SUCLG2: variants seen among roughly 807,000 people sequenced by gnomAD.
The protein encoded by SUCLG2 is succinate--CoA ligase [GDP-forming] subunit beta, mitochondrial.
A neutral mutation model predicts 47.9 loss-of-function variants in SUCLG2; 42 were observed. The observed-to-expected ratio is 0.88, with a 90% CI of 0.69 to 1.14. The LOEUF (loss-of-function observed/expected upper bound fraction) is 1.14. Ranked by LOEUF, SUCLG2 falls within the 50% of genes most tolerant of loss-of-function variation. SUCLG2 has a pLI of 0.00. For missense variants in SUCLG2, 571 were observed against 525.9 expected (o/e 1.09, Z -0.84); for synonymous variants, 195 against 197.3 (o/e 0.99, Z 0.10).
intron 9 of SUCLG2, among the ~76,000 whole-genome samples, chr3:67,453,496 G>T (rs1005360991): frequency 1.3e-5 from 2 of 152,090 alleles, no homozygotes; most frequent in African/African-American, 2.4e-5. Flanking sequence ...ATTCATGAGA[G>T]CCCACCCTCA....
intron 7 of SUCLG2, among the ~76,000 whole-genome samples, chr3:67,507,359 T>C (rs1705665655): frequency 6.6e-6 from 1 of 152,268 alleles, no homozygotes; most frequent in East Asian, 1.9e-4. Flanking sequence ...TCTATACTAT[T>C]CCTGGGCTAC....
intron 1 of SUCLG2, among the ~76,000 whole-genome samples, chr3:67,629,063 G>A (rs1045067348): frequency 2.0e-5 from 3 of 152,140 alleles, no homozygotes; most frequent in Non-Finnish European, 2.9e-5. Context: ...TAATCTGTTC[G>A]GTACGCTTTG....
intron 10 of SUCLG2, among the ~76,000 whole-genome samples, chr3:67,380,966 T>A (rs375012238): frequency 2.6e-5 from 4 of 152,196 alleles, no homozygotes; most frequent in South Asian, 4.2e-4. Flanking sequence ...ACTTGCTTCC[T>A]CCTTCCTGTT....
At chr3:67,533,731 TAG>T (rs1559561135) in intron 2 of SUCLG2, among the ~76,000 whole-genome samples, 1 of 152,134 alleles carries the variant, frequency 6.6e-6, no homozygotes, top group African/African-American at 2.4e-5. Context: ...AACATAAAAA[TAG>T]AGAGTTACCA....
chr3:67,588,780 T>G (rs1311995840), intron 2 of SUCLG2, among the ~76,000 whole-genome samples: 1 of 152,190 alleles, frequency 6.6e-6, no homozygotes, highest in Non-Finnish European at 1.5e-5. Context: ...AATATATTGG[T>G]GACATTCAAC....
intron 9 of SUCLG2, among the ~76,000 whole-genome samples, chr3:67,490,622 C>A (rs1428329232): frequency 6.6e-6 from 1 of 152,124 alleles, no homozygotes; most frequent in East Asian, 1.9e-4. Context: ...CCTCCCATTT[C>A]TGAGATGTGC....
chr3:67,568,589 T>A (rs945511323), intron 2 of SUCLG2, among the ~76,000 whole-genome samples: 6 of 152,112 alleles, frequency 3.9e-5, no homozygotes, highest in African/African-American at 1.4e-4. Flanking sequence ...CAGCAAGCTT[T>A]TAAAAAATAA....
chr3:67,526,189 G>A (rs1324898708), intron 4 of SUCLG2, among the ~76,000 whole-genome samples: 1 of 152,152 alleles, frequency 6.6e-6, no homozygotes, highest in Non-Finnish European at 1.5e-5. Context: ...AGCACTACCA[G>A]GGATGTCCAA....
intron 10 of SUCLG2, among the ~76,000 whole-genome samples, chr3:67,366,043 T>C (rs1304235844): frequency 6.6e-6 from 1 of 152,184 alleles, no homozygotes; most frequent in Non-Finnish European, 1.5e-5. Flanking sequence ...GAAGATCTTT[T>C]CAATGCCTAA....
At chr3:67,523,430 C>T (rs778034320) in intron 4 of SUCLG2, among the ~76,000 whole-genome samples, 3 of 151,996 alleles carry the variant, frequency 2.0e-5, no homozygotes, top group Non-Finnish European at 4.4e-5. Flanking sequence ...TTGTTCTCAC[C>T]AACAATGAAG....
intron 2 of SUCLG2, among the ~76,000 whole-genome samples, chr3:67,599,895 C>T (rs571287159): frequency 6.6e-6 from 1 of 152,256 alleles, no homozygotes; most frequent in South Asian, 2.1e-4. Context: ...CTCTTTTAAA[C>T]CTTCTCAATT....
chr3:67,514,015 T>A (rs899979278), intron 6 of SUCLG2: 17 of 339,258 alleles, frequency 5.0e-5, no homozygotes, highest in Non-Finnish European at 8.8e-5. Flanking sequence ...ATACGACATA[T>A]CCCTGGAAAC....
At chr3:67,403,042 G>C (rs1702722611) in intron 9 of SUCLG2, among the ~76,000 whole-genome samples, 1 of 152,120 alleles carries the variant, frequency 6.6e-6, no homozygotes, top group African/African-American at 2.4e-5. Context: ...GCCTCAGGTG[G>C]CATCAGTTCC....
chr3:67,397,100 T>C (rs1702548927), intron 10 of SUCLG2, among the ~76,000 whole-genome samples: 2 of 151,516 alleles, frequency 1.3e-5, no homozygotes, highest in Non-Finnish European at 2.9e-5. Flanking sequence ...GCATTCCCTT[T>C]GAAAACTGGC....
chr3:67,479,866 C>T (rs563940394), intron 9 of SUCLG2, among the ~76,000 whole-genome samples: 5 of 152,176 alleles, frequency 3.3e-5, no homozygotes, highest in Non-Finnish European at 5.9e-5. Context: ...GGGAGTTGAT[C>T]TTTAGAAAAA....
At chr3:67,603,621 CTG>C (rs1708469223) in intron 2 of SUCLG2, among the ~76,000 whole-genome samples, 1 of 152,118 alleles carries the variant, frequency 6.6e-6, no homozygotes, top group South Asian at 2.1e-4. Context: ...AAAAATAAAA[CTG>C]AGCTTTTGAA....
chr3:67,653,739 A>G (rs916569474), intron 1 of SUCLG2, among the ~76,000 whole-genome samples: 15 of 152,224 alleles, frequency 9.9e-5, no homozygotes, highest in Non-Finnish European at 2.1e-4. Context: ...CACCAACTCA[A>G]AACTTTCCTG....
chr3:67,618,840 T>TA (rs1422666046), intron 1 of SUCLG2, among the ~76,000 whole-genome samples: 1 of 152,104 alleles, frequency 6.6e-6, no homozygotes, highest in Admixed American at 6.6e-5. Flanking sequence ...AAAACTTAAT[T>TA]AGAGTGGATA....
intron 4 of SUCLG2, among the ~76,000 whole-genome samples, chr3:67,526,004 G>A (rs1408355030): frequency 2.6e-5 from 4 of 152,166 alleles, no homozygotes; most frequent in Non-Finnish European, 5.9e-5. Flanking sequence ...CAAAATACCT[G>A]AGATTTGGTC....
Sources: gnomAD v4.1 joint callset for allele counts (sites outside exome capture counted in the v4.1 genomes callset) on GRCh38, gnomAD v4.1.1 for gene constraint, MANE v1.5 for transcripts, NCBI Gene and HGNC (gene_info 2026-07-23, HGNC 2026-07-21) for gene names.